GAS6: variants seen among roughly 807,000 people sequenced by gnomAD.
GAS6 encodes growth arrest specific 6.
In GAS6, 41 loss-of-function variants were observed where a neutral mutation model predicts 75.8. The ratio of observed to expected loss-of-function variants is 0.54; its 90% CI spans 0.42 to 0.70. The LOEUF is 0.70. Ranked by LOEUF, GAS6 falls within the 30% of genes least tolerant of loss-of-function variation. GAS6 has a pLI of 0.00. For missense variants in GAS6, 854 were observed against 940.2 expected (o/e 0.91, Z 1.20); for synonymous variants, 432 against 412.6 (o/e 1.05, Z -0.57).
At position 113,832,748 on chromosome 13, in the gene GAS6, A is replaced by G; in HGVS notation, c.839T>C (p.Ile280Thr). 1 of 1,612,656 alleles carries G rather than the reference A, an allele frequency of 6.2e-7. No homozygotes were observed. The highest frequency in any genetic ancestry group is 8.5e-7 in the Non-Finnish European group (1 of 1,179,908). ...LSQDMDTCED[I>T]LPCVPFSVAK... ...CACGCTGAAGGGCACGCACGGCAAG[A>G]TGTCCTGCCACGGACGGGGGCCACG... The change falls in exon 9 of 15, where the codon ATC becomes ACC. Residue 280 changes from isoleucine (I) to threonine (T), a missense_variant. Coordinates refer to ENST00000327773, the MANE Select transcript of GAS6 (RefSeq NM_000820.4).
At chr13:113,822,801 C>G (rs979473936) in intron 13 of GAS6, 1 of 153,460 alleles carries the variant, frequency 6.5e-6, no homozygotes, top group Non-Finnish European at 1.4e-5. Flanking sequence ...CCCTCCTTAG[C>G]ACACGAGCGA....
chr13:113,821,738 C>A (rs993214479), intron 14 of GAS6: 30 of 541,324 alleles, frequency 5.5e-5, no homozygotes, highest in Admixed American at 2.1e-4. Flanking sequence ...CAATGCCGGC[C>A]CCCGTACGTG....
intron 3 of GAS6, among the ~76,000 whole-genome samples, chr13:113,847,443 G>C (rs913206760): frequency 6.6e-5 from 10 of 151,680 alleles, no homozygotes; most frequent in Non-Finnish European, 1.5e-4. Context: ...GATGGTGTCA[G>C]TTAAACGGGC....
At chr13:113,856,823 C>T (rs1427992954) in intron 2 of GAS6, among the ~76,000 whole-genome samples, 1 of 145,524 alleles carries the variant, frequency 6.9e-6, no homozygotes, top group Non-Finnish European at 1.5e-5. Flanking sequence ...AATGCCACAC[C>T]GCAGCCCTCT....
intron 2 of GAS6, among the ~76,000 whole-genome samples, chr13:113,853,660 A>G (rs936052783): frequency 6.6e-6 from 1 of 152,218 alleles, no homozygotes; most frequent in Non-Finnish European, 1.5e-5. Context: ...GATATTTTCC[A>G]TGGGAAATGG....
intron 12 of GAS6, 71 bp from the exon 13 acceptor site, chr13:113,823,621 C>T (rs966465716): frequency 7.5e-5 from 109 of 1,449,824 alleles, no homozygotes; most frequent in Admixed American, 8.0e-5. Flanking sequence ...GGAGCAGGGC[C>T]TCGAGAGATG....
chr13:113,852,616 G>A (rs914889702), intron 2 of GAS6, among the ~76,000 whole-genome samples: 3 of 152,170 alleles, frequency 2.0e-5, no homozygotes, highest in Admixed American at 6.5e-5. Context: ...AGTGGGTGCC[G>A]GCAGAATCCA....
In GAS6 at chr13:113,844,209, A is replaced by ATTC. The variant is rs1334059491; in HGVS notation, c.343+2315_343+2317dup. 6.6e-6 allele frequency: 1 copy of ATTC among 150,696 alleles called. No homozygotes were observed. The allele number at this position is 150,696 out of a possible 1,614,324, so 9.3% of individuals were successfully genotyped here. ...CCTCTGGCACCAGCCACAGCAAGAG[A>ATTC]TTCTCTTCCTATCACACAGGGAACA... On this transcript the variant is annotated intron_variant, in intron 4 of 14. Transcript: ENST00000327773. This position sits in a 1 kb window ranked among gnomAD's most constrained non-coding sequence, Gnocchi z 5.7.
intron 2 of GAS6, among the ~76,000 whole-genome samples, chr13:113,853,088 G>A (rs1566373082): frequency 6.6e-6 from 1 of 152,222 alleles, no homozygotes; most frequent in Non-Finnish European, 1.5e-5. Flanking sequence ...GACCCTGGGA[G>A]GGCCCATTCA....
At chr13:113,835,125 G>A (rs928635660) in intron 7 of GAS6, among the ~76,000 whole-genome samples, 8 of 152,234 alleles carry the variant, frequency 5.3e-5, no homozygotes, top group South Asian at 2.1e-4. Flanking sequence ...CTGGGGGCAC[G>A]GCCCCTCTTA....
chr13:113,831,002 C>G (rs932655314), intron 10 of GAS6, among the ~76,000 whole-genome samples: 2 of 152,246 alleles, frequency 1.3e-5, no homozygotes, highest in Non-Finnish European at 2.9e-5. Flanking sequence ...GATGGAAATA[C>G]AAGTCTACAA....
chr13:113,849,293 A>C lies in GAS6; in HGVS notation c.256-1243T>G, dbSNP rs187843234. ...AAGGCCAGGAGGGCTGCAGACCTGG[A>C]ACACACACCCTCATGCCTGCCCTCA... On this transcript the variant is annotated intron_variant, in intron 2 of 14. Coordinates refer to ENST00000327773, the MANE Select transcript of GAS6 (RefSeq NM_000820.4). 5.7e-4 allele frequency among the ~76,000 whole-genome samples: 87 copies of C among 152,250 alleles called. 1 individual carries two copies. The East Asian group carries it at 0.01, about 18-fold the overall frequency.
chr13:113,834,797 GGGGGCGGCT>G, intron 7 of GAS6, 125 bp from the exon 8 acceptor site: 1 of 1,135,186 alleles, frequency 8.8e-7, no homozygotes, highest in Admixed American at 3.0e-5. Context: ...AGATTCTAAC[GGGGGCGGCT>G]TGGGGGTCGC....
intron 12 of GAS6, 89 bp downstream of exon 12, chr13:113,826,907 C>T (rs958486180): frequency 2.7e-6 from 2 of 740,598 alleles, no homozygotes; most frequent in Non-Finnish European, 3.6e-6. Context: ...TGTCCTGACG[C>T]TGCCATCTGA....
chr13:113,821,122 C>A, intron 14 of GAS6, 104 bp from the exon 15 acceptor site: 1 of 1,251,194 alleles, frequency 8.0e-7, no homozygotes, highest in South Asian at 1.3e-5. Context: ...GGGTTCCCTC[C>A]GAAAGGGCAG....
chr13:113,852,164 C>G (rs1274294251), intron 2 of GAS6, among the ~76,000 whole-genome samples: 2 of 152,240 alleles, frequency 1.3e-5, no homozygotes, highest in Non-Finnish European at 2.9e-5. Context: ...CGTAAACTTT[C>G]TTAAAACATG....
chr13:113,831,140 G>A (rs974254018), intron 10 of GAS6, among the ~76,000 whole-genome samples: 1 of 152,232 alleles, frequency 6.6e-6, no homozygotes, highest in Non-Finnish European at 1.5e-5. Context: ...CTCGCTCCAC[G>A]GATGGGGATG....
chr13:113,827,596 T>G (rs9604464), intron 11 of GAS6, among the ~76,000 whole-genome samples: 18,812 of 146,594 alleles, frequency 0.13, 1,292 homozygotes, highest in South Asian at 0.3. Flanking sequence ...GGGAAGCAGG[T>G]GCCCCTCACA....
intron 2 of GAS6, among the ~76,000 whole-genome samples, chr13:113,852,012 C>T (rs536475938): frequency 3.2e-4 from 49 of 152,322 alleles, no homozygotes; most frequent in Middle Eastern, 6.8e-3. Flanking sequence ...CCGGCAGGGA[C>T]GACTTGGAGG....
Sources: allele counts gnomAD v4.1 joint callset (sites outside exome capture counted in the v4.1 genomes callset), GRCh38; gene constraint gnomAD v4.1.1; non-coding constraint Gnocchi (gnomAD v3.1); transcripts MANE v1.5; gene names NCBI Gene and HGNC (gene_info 2026-07-23, HGNC 2026-07-21).